Variants in AADAT observed in about 807,000 individuals in gnomAD.
The protein encoded by AADAT is aminoadipate aminotransferase, also known as kynurenine/alpha-aminoadipate aminotransferase, mitochondrial.
AADAT carries 25 observed loss-of-function variants against 56.2 expected under a neutral mutation model. That is an observed-to-expected ratio of 0.44 (90% CI 0.32 to 0.62). The LOEUF (loss-of-function observed/expected upper bound fraction) is 0.62. AADAT is among the 20% of genes least tolerant of loss of function. The pLI, the probability that AADAT is intolerant of heterozygous loss-of-function variation, is 0.04. For missense variants in AADAT, 387 were observed against 510.5 expected (o/e 0.76, Z 2.33); for synonymous variants, 173 against 164.7 (o/e 1.05, Z -0.39).
At chr4:170,075,286 T>C (rs1400863396) in intron 4 of AADAT, among the ~76,000 whole-genome samples, 1 of 152,206 alleles carries the variant, frequency 6.6e-6, no homozygotes, top group Non-Finnish European at 1.5e-5. Context: ...AAAAAGTAAT[T>C]ATTTTATTTT....
At chr4:170,066,515 A>G in intron 9 of AADAT, 37 bp from the exon 10 acceptor site, 3 of 1,496,360 alleles carry the variant, frequency 2.0e-6, no homozygotes, top group Non-Finnish European at 2.8e-6. Context: ...TGTGCTCAGT[A>G]CATTGATTGC....
chr4:170,063,474 G>GT (rs1377907958), intron 11 of AADAT, among the ~76,000 whole-genome samples: 1 of 152,176 alleles, frequency 6.6e-6, no homozygotes. Flanking sequence ...AGAAAAGAAT[G>GT]TATCAAATTG....
Position 170,073,205 on chromosome 4 carries a change from A to G in AADAT, c.585T>C (p.Tyr195=). The change falls in exon 5 of 13, where the codon TAT becomes TAC. Residue 195 remains tyrosine, a synonymous_variant. Transcript: ENST00000337664. The stretch of plus-strand genomic sequence containing the variant: ...TAGGGTTGTTGCCATTTGGAACAGT[A>G]TAAAGAAATTTGGGGGTGTTTTTCT... ...NPQKNTPKFL[Y]TVPNGNNPTG... is the part of the protein sequence containing the mutation. 6.2e-7 allele frequency: 1 copy of G among 1,614,162 alleles called. No individual in the cohort carries two copies. Among genetic ancestry groups the G allele is most frequent in the Non-Finnish European group, 8.5e-7 (1 of 1,180,026 alleles).
intron 3 of AADAT, among the ~76,000 whole-genome samples, chr4:170,082,391 A>T (rs1192219890): frequency 6.6e-6 from 1 of 152,008 alleles, no homozygotes; most frequent in Non-Finnish European, 1.5e-5. Context: ...TTTTTTTGTA[A>T]GCCTCATGGT....
chr4:170,062,872 G>A (rs1332386231), intron 11 of AADAT, among the ~76,000 whole-genome samples: 2 of 152,168 alleles, frequency 1.3e-5, no homozygotes, highest in Admixed American at 6.5e-5. Context: ...TAAGAAACCC[G>A]GGTCTCTGAA....
chr4:170,087,967 C>G (rs1732642512), intron 2 of AADAT, among the ~76,000 whole-genome samples: 1 of 150,308 alleles, frequency 6.7e-6, no homozygotes, highest in South Asian at 2.1e-4. Flanking sequence ...ACGGAAGATC[C>G]AGGATGCTTA....
rs1195562962 is a variant in AADAT at position 170,073,111 on chromosome 4, A to G, written c.654+25T>C. On this transcript the variant is annotated intron_variant, in intron 5 of 12. Coordinates refer to ENST00000337664, the MANE Select transcript of AADAT (RefSeq NM_016228.4). Reference sequence around the variant, plus strand: ...GTCACAGAGAAACAGGAACACAACTACTTTAACCCATTCTTCTACAATACC... The same window carrying G: ...GTCACAGAGAAACAGGAACACAACTGCTTTAACCCATTCTTCTACAATACC... 22 of 1,608,400 alleles carry G rather than the reference A, an allele frequency of 1.4e-5. No individual in the cohort carries two copies. In the South Asian group the frequency reaches 1.4e-4, roughly 10 times the overall value.
intron 8 of AADAT, among the ~76,000 whole-genome samples, chr4:170,067,845 TAGA>T (rs1731551041): frequency 6.6e-6 from 1 of 152,090 alleles, no homozygotes; most frequent in South Asian, 2.1e-4. Flanking sequence ...CTATTTAAAA[TAGA>T]AGTTCTAGGC....
chr4:170,069,062 A>G, intron 7 of AADAT, 86 bp downstream of exon 7: 1 of 1,178,234 alleles, frequency 8.5e-7, no homozygotes, highest in Non-Finnish European at 1.2e-6. Context: ...ATTTTAAGTG[A>G]AAAAAATTGT....
chr4:170,072,299 G>GTATATATA (rs36017064), intron 5 of AADAT, among the ~76,000 whole-genome samples: 1 of 148,598 alleles, frequency 6.7e-6, no homozygotes, highest in African/African-American at 2.5e-5. Context: ...ATGTGTGTGT[G>GTATATATA]TATATATATA....
chr4:170,075,272 T>G (rs1445977117), intron 4 of AADAT, among the ~76,000 whole-genome samples: 4 of 152,220 alleles, frequency 2.6e-5, no homozygotes, highest in Admixed American at 1.3e-4. Context: ...ATCCAATCAT[T>G]GAGAAAAAGT....
rs1487298471 is a variant in AADAT at position 170,060,960 on chromosome 4, C to T, written c.1246G>A (p.Val416Ile). Residue 416 changes from valine to isoleucine, a missense_variant, in exon 13 of 13, where the codon GTA (valine) becomes ATA (isoleucine). Val to Ile is a conservative substitution (Grantham distance 29). Coordinates refer to ENST00000337664, the MANE Select transcript of AADAT (RefSeq NM_016228.4). ...GATTCTTTTATAAGTTGTGCTAATA[C>T]CTGGAAGGCCTAAAACAGAAAAAAA... ...SPEQMDVAFQ[V>I]LAQLIKESL 2.0e-6 allele frequency: 3 copies of T among 1,532,574 alleles called. No homozygotes were observed. Among genetic ancestry groups the T allele is most frequent in the South Asian group, 2.4e-5 (2 of 81,942 alleles). 94.9% of individuals were successfully genotyped at this position (1,532,574 alleles called of 1,614,324 possible).
At chr4:170,074,470 C>A (rs144150964) in intron 4 of AADAT, among the ~76,000 whole-genome samples, 2 of 151,982 alleles carry the variant, frequency 1.3e-5, no homozygotes, top group African/African-American at 2.4e-5. Context: ...ATGAAGTAGG[C>A]GTTTTACAAA....
chr4:170,088,591 C>A (rs779095707), intron 1 of AADAT, 27 bp from the exon 2 acceptor site: 1 of 1,586,828 alleles, frequency 6.3e-7, no homozygotes, highest in East Asian at 2.3e-5. Context: ...AGAGAAGAAA[C>A]AATTTCATTG....
rs866950588 is a variant in AADAT at position 170,083,259 on chromosome 4, C to T, written c.369+3857G>A. On this transcript the variant is annotated intron_variant, in intron 3 of 12. Coordinates refer to ENST00000337664, the MANE Select transcript of AADAT (RefSeq NM_016228.4). ...GAACTTTATAAAATATGCAAACACA[C>T]GAAAATTAAACAACGTGCTCCTGAA... 3.3e-5 allele frequency among the ~76,000 whole-genome samples: 5 copies of T among 151,846 alleles called. No individual in the cohort carries two copies. In the East Asian group the frequency reaches 5.8e-4, roughly 18 times the overall value.
chr4:170,079,476 G>A (rs1185925079), intron 3 of AADAT, among the ~76,000 whole-genome samples: 1 of 152,054 alleles, frequency 6.6e-6, no homozygotes, highest in Non-Finnish European at 1.5e-5. Flanking sequence ...ATGAAAGAAG[G>A]GTGAGAATAC....
At chr4:170,065,148 T>C (rs1159422178) in intron 10 of AADAT, among the ~76,000 whole-genome samples, 1 of 152,226 alleles carries the variant, frequency 6.6e-6, no homozygotes, top group Non-Finnish European at 1.5e-5. Context: ...CTTAGAACCA[T>C]ACCTAGACAA....
At chr4:170,092,120 T>G (rs1384139362), upstream of AADAT, among the ~76,000 whole-genome samples, 1 of 152,202 alleles carries the variant, frequency 6.6e-6, no homozygotes, top group Non-Finnish European at 1.5e-5. Context: ...AGGATGTGGA[T>G]GGGGCCAGAT....
intron 2 of AADAT, 122 bp downstream of exon 2, chr4:170,088,274 A>G (rs1240747456): frequency 1.9e-6 from 2 of 1,059,314 alleles, no homozygotes; most frequent in South Asian, 2.2e-5. Flanking sequence ...CAAATGGGTC[A>G]ATGGCTTTAG....
Sources: allele counts gnomAD v4.1 joint callset (sites outside exome capture counted in the v4.1 genomes callset), GRCh38; gene constraint gnomAD v4.1.1; transcripts MANE v1.5; gene names NCBI Gene and HGNC (gene_info 2026-07-23, HGNC 2026-07-21).